Variants in RBFOX1 observed in about 807,000 individuals in gnomAD.
RBFOX1 encodes the protein RNA binding protein fox-1 homolog 1.
A neutral mutation model predicts 57.7 loss-of-function variants in RBFOX1; 8 were observed. That is an observed-to-expected ratio of 0.14 (90% CI 0.08 to 0.25). The LOEUF is 0.25. RBFOX1 is among the 10% of genes least tolerant of loss of function. The pLI is 1.00. For missense variants in RBFOX1, 611 were observed against 548.5 expected (o/e 1.11, Z -1.14); for synonymous variants, 326 against 222.4 (o/e 1.47, Z -4.15).
intron 4 of RBFOX1, among the ~76,000 whole-genome samples, chr16:7,241,268 G>A (rs1022496143): frequency 1.1e-4 from 17 of 151,970 alleles, no homozygotes; most frequent in Non-Finnish European, 2.2e-4. Context: ...TCTCAGTCTC[G>A]GCACTACTAT....
chr16:7,291,059 C>G (rs1293998457), intron 4 of RBFOX1, among the ~76,000 whole-genome samples: 1 of 152,100 alleles, frequency 6.6e-6, no homozygotes, highest in Non-Finnish European at 1.5e-5. Context: ...CAGTTTCAGC[C>G]AAAGAGCATA....
intron 1 of RBFOX1, among the ~76,000 whole-genome samples, chr16:5,313,257 C>T (rs1330835233): frequency 6.6e-6 from 1 of 152,108 alleles, no homozygotes; most frequent in Non-Finnish European, 1.5e-5. Flanking sequence ...AATTCCCCCT[C>T]TCCAAAGTCC....
intron 3 of RBFOX1, among the ~76,000 whole-genome samples, chr16:5,675,727 T>C (rs2050147829): frequency 2.0e-5 from 3 of 152,158 alleles, no homozygotes; most frequent in Non-Finnish European, 2.9e-5. Context: ...GATAGATGAT[T>C]AATAGCATCT....
intron 3 of RBFOX1, among the ~76,000 whole-genome samples, chr16:6,963,779 A>G (rs1410456642): frequency 6.6e-6 from 1 of 151,688 alleles, no homozygotes; most frequent in Admixed American, 6.6e-5. Context: ...GCTCACTGCA[A>G]GCTCCACCTC....
At chr16:7,671,896 C>T (rs1446587404) in intron 13 of RBFOX1, among the ~76,000 whole-genome samples, 1 of 152,140 alleles carries the variant, frequency 6.6e-6, no homozygotes, top group Admixed American at 6.5e-5. Context: ...CTGAGTGTGT[C>T]AAATGGTGGT....
At chr16:5,735,408 G>C (rs2052535502) in intron 3 of RBFOX1, among the ~76,000 whole-genome samples, 1 of 152,132 alleles carries the variant, frequency 6.6e-6, no homozygotes, top group African/African-American at 2.4e-5. Context: ...AGTGTGCCTG[G>C]TTGCCTTGGC....
At chr16:6,813,054 A>G (rs1409384403) in intron 3 of RBFOX1, among the ~76,000 whole-genome samples, 11 of 152,144 alleles carry the variant, frequency 7.2e-5, no homozygotes, top group African/African-American at 2.7e-4. Flanking sequence ...CAACCAGTCA[A>G]ACAATGCTGA....
rs149951994 is a variant in RBFOX1, at chr16:7,492,784, G to A, written c.28-25363G>A. Among the ~76,000 whole-genome samples the A allele has an allele frequency of 8.5e-3, 1,297 of 152,034 alleles. 19 individuals carry two copies. The highest frequency in any genetic ancestry group is 0.029 in the African/African-American group (1,206 of 41,468). On this transcript the variant is annotated intron_variant, in intron 4 of 15. Transcript: ENST00000550418. The stretch of plus-strand genomic sequence containing the variant: ...CTTCCCCTTCACTCTCTCTTGCCCC[G>A]ACTCTCACCATGTGACATGCCTGCT...
intron 4 of RBFOX1, among the ~76,000 whole-genome samples, chr16:7,102,172 G>A (rs1487419972): frequency 1.3e-5 from 2 of 152,156 alleles, no homozygotes; most frequent in Non-Finnish European, 2.9e-5. Flanking sequence ...CACACTCATC[G>A]GATTCCAGTT....
intron 3 of RBFOX1, among the ~76,000 whole-genome samples, chr16:5,834,278 A>T (rs796860547): frequency 6.6e-6 from 1 of 152,102 alleles, no homozygotes; most frequent in Admixed American, 6.6e-5. Context: ...TGAGTCTCCA[A>T]TGTCCACCAT....
At chr16:7,189,982 A>C (rs538313954) in intron 4 of RBFOX1, among the ~76,000 whole-genome samples, 2 of 152,240 alleles carry the variant, frequency 1.3e-5, no homozygotes, top group Non-Finnish European at 2.9e-5. Context: ...TCATTGAGCA[A>C]TGACAAAATC....
chr16:5,411,001 G>A (rs2067007306), intron 1 of RBFOX1, among the ~76,000 whole-genome samples: 3 of 152,214 alleles, frequency 2.0e-5, no homozygotes. Flanking sequence ...ACACAACAAA[G>A]TGCTTCCAAC....
chr16:7,092,766 T>C (rs1199210083), intron 4 of RBFOX1, among the ~76,000 whole-genome samples: 2 of 152,230 alleles, frequency 1.3e-5, no homozygotes, highest in Non-Finnish European at 2.9e-5. Context: ...TGCTTGTTAA[T>C]ATTAATCACC....
At chr16:7,040,076 A>G (rs907233593) in intron 3 of RBFOX1, among the ~76,000 whole-genome samples, 7 of 152,028 alleles carry the variant, frequency 4.6e-5, no homozygotes, top group African/African-American at 1.4e-4. Flanking sequence ...GTTGGAGTGC[A>G]GTGACATGAT....
intron 2 of RBFOX1, among the ~76,000 whole-genome samples, chr16:5,592,874 C>T (rs2047056364): frequency 2.0e-5 from 3 of 152,050 alleles, no homozygotes; most frequent in Admixed American, 6.5e-5. Flanking sequence ...TTCCGTGGGC[C>T]CTGGCAGCCT....
chr16:7,287,060 A>G (rs2095664785), intron 4 of RBFOX1, among the ~76,000 whole-genome samples: 1 of 152,170 alleles, frequency 6.6e-6, no homozygotes, highest in Admixed American at 6.5e-5. Flanking sequence ...GTGTGGCACA[A>G]AAGAGGTTAA....
At chr16:7,446,611 C>T (rs1258245912) in intron 4 of RBFOX1, among the ~76,000 whole-genome samples, 1 of 152,046 alleles carries the variant, frequency 6.6e-6, no homozygotes, top group African/African-American at 2.4e-5. Context: ...CTTTCAAGAT[C>T]AGATCAAGCT....
chr16:6,016,693 C>G (rs897981955), upstream of RBFOX1, among the ~76,000 whole-genome samples: 1 of 152,140 alleles, frequency 6.6e-6, no homozygotes, highest in African/African-American at 2.4e-5. Context: ...TAGGAGGAGC[C>G]AAAGTCTCCA....
At chr16:6,746,813 A>G (rs1191152402) in intron 3 of RBFOX1, among the ~76,000 whole-genome samples, 3 of 152,162 alleles carry the variant, frequency 2.0e-5, no homozygotes, top group Non-Finnish European at 4.4e-5. Flanking sequence ...TTTGCTAGTG[A>G]TCCCAAGTCT....
Sources: allele counts gnomAD v4.1 joint callset (sites outside exome capture counted in the v4.1 genomes callset), GRCh38; gene constraint gnomAD v4.1.1; transcripts MANE v1.5; gene names NCBI Gene and HGNC (gene_info 2026-07-23, HGNC 2026-07-21).